CFAP46: variants seen among roughly 807,000 people sequenced by gnomAD.
CFAP46 encodes the protein cilia- and flagella-associated protein 46.
In CFAP46, 245 loss-of-function variants were observed where a neutral mutation model predicts 325.7. The observed-to-expected ratio is 0.75, with a 90% CI of 0.68 to 0.84. CFAP46 has a LOEUF of 0.84. Among genes scored for constraint, CFAP46 ranks in the 40% least tolerant of loss-of-function variants. CFAP46 has a pLI of 0.00. For synonymous variants in CFAP46, 1,523 were observed against 1,495.9 expected, an observed-to-expected ratio of 1.02 and a Z score of -0.42; for missense variants, 3,346 against 3,543.0, an observed-to-expected ratio of 0.94 and a Z score of 1.41.
chr10:132,941,912 T>G (rs1850109346), intron 2 of CFAP46, 68 bp downstream of exon 2: 1 of 1,538,474 alleles, frequency 6.5e-7, no homozygotes, highest in African/African-American at 1.4e-5. Context: ...CTGCATCCGC[T>G]GCACACCCAG....
chr10:132,928,805 C>T (rs1050693774), intron 9 of CFAP46, among the ~76,000 whole-genome samples: 1 of 152,208 alleles, frequency 6.6e-6, no homozygotes, highest in Non-Finnish European at 1.5e-5. Context: ...GTGGAAGAGC[C>T]TGTCACAGTT....
intron 17 of CFAP46, among the ~76,000 whole-genome samples, chr10:132,914,021 GC>G (rs1452289557): frequency 6.6e-6 from 1 of 151,606 alleles, no homozygotes; most frequent in Non-Finnish European, 1.5e-5. Context: ...CAAACCTCTG[GC>G]CCCCGCCCCG....
At chr10:132,891,485 A>G (rs1849253230) in intron 25 of CFAP46, among the ~76,000 whole-genome samples, 1 of 152,258 alleles carries the variant, frequency 6.6e-6, no homozygotes, top group Admixed American at 6.5e-5. Context: ...CTAGCATAGC[A>G]TCGCATGACA....
chr10:132,907,903 A>T (rs1451688308), intron 22 of CFAP46, among the ~76,000 whole-genome samples: 1 of 152,212 alleles, frequency 6.6e-6, no homozygotes, highest in African/African-American at 2.4e-5. Context: ...GCAGACGCCG[A>T]ATCTGCCACA....
At position 132,880,887 on chromosome 10, in the gene CFAP46, A is replaced by G. The variant is rs145022957; in HGVS notation, c.3773T>C (p.Val1258Ala). The G allele has an allele frequency of 0.012, 18,130 of 1,549,458 alleles. 228 individuals are homozygous for G. The highest frequency in any genetic ancestry group is 0.056 in the Middle Eastern group (322 of 5,738). ...ILLAMKPPGD[V>A]PEPQPTPDGE... ...ATCCGGCGTGGGCTGTGGCTCAGGG[A>G]CATCGCCGGGCGGCTTCATGGCCAG... The change falls in exon 28 of 58, where the codon GTC becomes GCC. Residue 1258 changes from valine (V) to alanine (A), a missense_variant. Coordinates refer to ENST00000368586, the MANE Select transcript of CFAP46 (RefSeq NM_001200049.3).
chr10:132,837,152 GGTT>G (rs1161476211), intron 44 of CFAP46: 2 of 505,312 alleles, frequency 4.0e-6, no homozygotes, highest in South Asian at 2.7e-5. Flanking sequence ...ATTTCTCTCC[GGTT>G]GTTAATGTTT....
In CFAP46 at chr10:132,908,573, G is replaced by A. The variant is rs750137199; in HGVS notation, c.2819C>T (p.Thr940Met). ...SDPLVELQTL[T>M]RLTHFAHAAR... ...TGCATGGGCGAAGTGGGTCAGCCGC[G>A]TCAGGGTCTGCAGCTCCACCAGGGG... Residue 940 changes from threonine to methionine, a missense_variant, in exon 22 of 58, where the codon ACG becomes ATG. By Grantham distance (81) the Thr-to-Met change is moderately conservative (BLOSUM62 -1). Transcript: ENST00000368586. The A allele has an allele frequency of 1.2e-5, 19 of 1,550,152 alleles. No homozygotes were observed. Among genetic ancestry groups the A allele is most frequent in the Middle Eastern group, 1.7e-4 (1 of 6,004 alleles).
chr10:132,857,451 C>T, intron 39 of CFAP46, 139 bp downstream of exon 39: 1 of 792,284 alleles, frequency 1.3e-6, no homozygotes, highest in Middle Eastern at 3.8e-4. Flanking sequence ...TTTGTTGTTT[C>T]AGATGGGGGA....
At position 132,885,912 on chromosome 10, in the gene CFAP46, A is replaced by C. The variant is rs1313900023; in HGVS notation, c.3352T>G (p.Phe1118Val). ...TCGTCCTGGTCGGCATGGCTGTGGA[A>C]GAGCAGGCCGTAGAGCGCAGCACGG... is the stretch of plus-strand genomic sequence containing the variant. ...ALRAALYGLL[F>V]HSHADQDDWE... The change falls in exon 26 of 58, where the codon TTC becomes GTC. Residue 1118 changes from phenylalanine to valine, a missense_variant. Coordinates refer to ENST00000368586, the MANE Select transcript of CFAP46 (RefSeq NM_001200049.3). 6.5e-7 allele frequency: 1 copy of C among 1,550,088 alleles called. No individual in the cohort carries two copies. The highest frequency in any genetic ancestry group is 1.4e-5 in the African/African-American group (1 of 73,022).
intron 1 of CFAP46, 40 bp downstream of exon 1, chr10:132,942,396 G>A: frequency 7.3e-7 from 1 of 1,365,638 alleles, no homozygotes; most frequent in Non-Finnish European, 9.4e-7. Context: ...CGGGTCCCGG[G>A]GCCTCCCCGG....
chr10:132,934,913 C>T (rs1236990390), intron 7 of CFAP46, 51 bp from the exon 8 acceptor site: 4 of 1,179,332 alleles, frequency 3.4e-6, no homozygotes, highest in South Asian at 2.5e-5. Flanking sequence ...CAGATTTATT[C>T]AAATTCTTCT....
intron 50 of CFAP46, among the ~76,000 whole-genome samples, chr10:132,829,388 G>C (rs1300493775): frequency 1.3e-5 from 2 of 152,176 alleles, no homozygotes; most frequent in Non-Finnish European, 2.9e-5. Context: ...ATTGGTTTTT[G>C]TACCTTGACT....
Position 132,847,867 on chromosome 10 carries a change from G to A in CFAP46, c.5953-546C>T, listed in dbSNP as rs770395224. 1.3e-5 allele frequency among the ~76,000 whole-genome samples: 2 copies of A among 152,168 alleles called. No homozygotes were observed. Among genetic ancestry groups the A allele is most frequent in the East Asian group, 1.9e-4 (1 of 5,184 alleles). ...CTATATATGCACCCAATGATCAGGC[G>A]TCAAAATAAAAACACTGATAGAAAT... On this transcript the variant is annotated intron_variant, in intron 41 of 57. Coordinates refer to ENST00000368586, the MANE Select transcript of CFAP46 (RefSeq NM_001200049.3). This position sits in a 1 kb window ranked among gnomAD's most constrained non-coding sequence, Gnocchi z 5.2.
At chr10:132,840,576 T>C (rs773093168) in intron 44 of CFAP46, among the ~76,000 whole-genome samples, 13 of 152,242 alleles carry the variant, frequency 8.5e-5, no homozygotes, top group Non-Finnish European at 1.5e-4. Context: ...ATTTTTCCTG[T>C]AACCCGTTTG....
rs549059368 is a variant in CFAP46, at chr10:132,900,251, G to T, written c.2925-585C>A. ...GCTGCCCAAGCCCACATGGAAGTCT[G>T]GCCCCAGAAGGTCCACTCTGCACCC... On this transcript the variant is annotated intron_variant, in intron 22 of 57. Coordinates refer to ENST00000368586, the MANE Select transcript of CFAP46 (RefSeq NM_001200049.3). 5.4e-4 allele frequency among the ~76,000 whole-genome samples: 83 copies of T among 152,312 alleles called. No homozygotes were observed. In the Middle Eastern group the frequency reaches 0.02, roughly 37 times the overall value.
intron 8 of CFAP46, 62 bp from the exon 9 acceptor site, chr10:132,929,866 G>A: frequency 8.2e-7 from 1 of 1,220,302 alleles, no homozygotes; most frequent in Non-Finnish European, 1.2e-6. Flanking sequence ...ATGGCTGCAG[G>A]CGAGAATCCA....
intron 19 of CFAP46, among the ~76,000 whole-genome samples, chr10:132,911,071 G>A (rs1043715983): frequency 2.6e-5 from 4 of 152,212 alleles, no homozygotes; most frequent in Non-Finnish European, 5.9e-5. Flanking sequence ...CCCCCCAGCT[G>A]CCTCCCAGGG....
Position 132,887,917 on chromosome 10 carries a change from T to TCTC in CFAP46, c.3305-1961_3305-1959dup, listed in dbSNP as rs1206873179. 1.7e-3 allele frequency among the ~76,000 whole-genome samples: 63 copies of TCTC among 36,444 alleles called. 2 individuals are homozygous for TCTC. The highest frequency in any genetic ancestry group is 2.2e-3 in the Non-Finnish European group (42 of 18,942). 23.9% of individuals were successfully genotyped at this position (36,444 alleles called of 152,430 possible). ...TCCTCTTCTCTCCTCTCCCTTCTTCTCTCTCCTCTCCTCTCTCCTCTTTCA... is the reference window on the plus strand; with the variant it reads ...TCCTCTTCTCTCCTCTCCCTTCTTCTCTCCTCTCCTCTCCTCTCTCCTCTTTCA... On this transcript the variant is annotated intron_variant, in intron 25 of 57. Transcript: ENST00000368586.
chr10:132,878,291 G>A (rs1848986289), intron 29 of CFAP46, among the ~76,000 whole-genome samples: 1 of 152,180 alleles, frequency 6.6e-6, no homozygotes, highest in South Asian at 2.1e-4. Context: ...GGGCACCGGG[G>A]GCTGCAGGGA....
Sources: gnomAD v4.1 joint callset for allele counts (sites outside exome capture counted in the v4.1 genomes callset) on GRCh38, gnomAD v4.1.1 for gene constraint, Gnocchi (gnomAD v3.1) non-coding constraint, MANE v1.5 for transcripts, NCBI Gene and HGNC (gene_info 2026-07-23, HGNC 2026-07-21) for gene names.